Variants in DNMT3B observed in about 807,000 individuals in gnomAD.
DNMT3B encodes DNA methyltransferase 3 beta, also known as DNA (cytosine-5)-methyltransferase 3B.
In DNMT3B, 37 loss-of-function variants were observed where a neutral mutation model predicts 120.2. The ratio of observed to expected loss-of-function variants is 0.31; its 90% CI spans 0.24 to 0.40. The LOEUF is 0.40. Ranked by LOEUF, DNMT3B falls within the 10% of genes least tolerant of loss-of-function variation. The pLI is 1.00. For synonymous variants in DNMT3B, 412 were observed against 442.8 expected, an observed-to-expected ratio of 0.93 and a Z score of 0.87; for missense variants, 878 against 1,137.3, an observed-to-expected ratio of 0.77 and a Z score of 3.28.
intron 16 of DNMT3B, 99 bp from the exon 17 acceptor site, chr20:32,800,054 C>G (rs1457559114): frequency 6.5e-7 from 1 of 1,532,934 alleles, no homozygotes; most frequent in African/African-American, 1.4e-5. Context: ...GTGATACAGT[C>G]ATGAGGAACT....
intron 1 of DNMT3B, among the ~76,000 whole-genome samples, chr20:32,773,742 G>A (rs1987886621): frequency 6.6e-6 from 1 of 151,760 alleles, no homozygotes; most frequent in African/African-American, 2.4e-5. Context: ...CCTCCGAGGA[G>A]GTGGGACTAC....
Position 32,792,736 on chromosome 20 carries a change from G to A in DNMT3B, c.1032G>A (p.Gly344=). ...CCCACGGGGGCTTCAAGCCCACTGG[G>A]ATCGAGGGCCTCAAACCCAACAACA... ...EWAHGGFKPT[G]IEGLKPNNTQ... Residue 344 remains glycine (G), a synonymous_variant, in exon 9 of 23, where the codon GGG becomes GGA. Coordinates refer to ENST00000328111, the MANE Select transcript of DNMT3B (RefSeq NM_006892.4). 1 of 1,614,222 alleles carries A rather than the reference G, an allele frequency of 6.2e-7. No homozygotes were observed. Among genetic ancestry groups the A allele is most frequent in the Non-Finnish European group, 8.5e-7 (1 of 1,180,038 alleles).
intron 3 of DNMT3B, among the ~76,000 whole-genome samples, chr20:32,783,767 C>T (rs1173853366): frequency 3.9e-5 from 6 of 152,118 alleles, no homozygotes; most frequent in African/African-American, 1.4e-4. Flanking sequence ...AGTCTGTCGC[C>T]CAGGCTGGAG....
intron 5 of DNMT3B, 122 bp from the exon 6 acceptor site, chr20:32,787,108 T>C (rs919631454): frequency 1.2e-5 from 14 of 1,210,288 alleles, no homozygotes; most frequent in Non-Finnish European, 1.6e-5. Context: ...CAGCGGTCTC[T>C]GTTCTCTTTA....
intron 1 of DNMT3B, among the ~76,000 whole-genome samples, chr20:32,764,133 T>C (rs1181528379): frequency 6.6e-6 from 1 of 152,138 alleles, no homozygotes; most frequent in East Asian, 1.9e-4. Flanking sequence ...CAAGCTTCCT[T>C]CCTTAAGGAA....
intron 1 of DNMT3B, chr20:32,780,068 A>T: frequency 1.2e-6 from 2 of 1,606,362 alleles, no homozygotes; most frequent in Non-Finnish European, 1.7e-6. Context: ...TGGCCTCCCC[A>T]CTCTGTCCTG....
At chr20:32,779,950 G>A (rs959269541) in intron 1 of DNMT3B, 20 of 860,686 alleles carry the variant, frequency 2.3e-5, no homozygotes, top group Non-Finnish European at 3.7e-5. Flanking sequence ...CAGGGCCAGA[G>A]GGGACAGAGG....
chr20:32,800,487 T>C (rs377677996), intron 17 of DNMT3B, among the ~76,000 whole-genome samples, 189 bp downstream of exon 17: 1 of 152,242 alleles, frequency 6.6e-6, no homozygotes, highest in Admixed American at 6.5e-5. Context: ...TCTATTTTTT[T>C]CTGGAGACAG....
rs200773466 is a variant in DNMT3B, at chr20:32,780,307, T to G, written c.-6-11T>G. The G allele has an allele frequency of 6.2e-7, 1 of 1,613,870 alleles. No individual in the cohort carries two copies. Among genetic ancestry groups the G allele is most frequent in the Non-Finnish European group, 8.5e-7 (1 of 1,180,000 alleles). ...TCCCTTTCACCCCACCCATTCTGGCTTCTCCCACAGGAAAGCATGAAGGGA... is the reference window on the plus strand; with the variant it reads ...TCCCTTTCACCCCACCCATTCTGGCGTCTCCCACAGGAAAGCATGAAGGGA... On this transcript the variant is annotated splice_polypyrimidine_tract_variant and intron_variant, in intron 1 of 22. Coordinates refer to ENST00000328111, the MANE Select transcript of DNMT3B (RefSeq NM_006892.4).
chr20:32,763,303 C>G (rs1450586907), intron 1 of DNMT3B, among the ~76,000 whole-genome samples: 1 of 152,126 alleles, frequency 6.6e-6, no homozygotes, highest in South Asian at 2.1e-4. Context: ...CTGGGGTGTG[C>G]GCCGTGGAGG....
In DNMT3B at chr20:32,797,283, A is replaced by C; in HGVS notation, c.1474A>C (p.Asn492His). Reference sequence around the variant, plus strand: ...GGGCCGAGAGCTGCTGCTTTGCAGCAACACGAGCTGCTGCCGGTGAGCACT... The same window carrying C: ...GGGCCGAGAGCTGCTGCTTTGCAGCCACACGAGCTGCTGCCGGTGAGCACT... ...CEGRELLLCS[N>H]TSCCRCFCVE... Residue 492 changes from asparagine (N) to histidine (H), a missense_variant, in exon 14 of 23, where the codon AAC becomes CAC. Asn to His is a moderately conservative substitution (Grantham distance 68). This residue lies in a region of DNMT3B where 334 missense variants were observed against 518.8 expected (regional missense o/e 0.64). Coordinates refer to ENST00000328111, the MANE Select transcript of DNMT3B (RefSeq NM_006892.4). 2 of 1,614,148 alleles carry C rather than the reference A, an allele frequency of 1.2e-6. No homozygotes were observed. The highest frequency in any genetic ancestry group is 1.3e-5 in the African/African-American group (1 of 75,080).
intron 1 of DNMT3B, among the ~76,000 whole-genome samples, chr20:32,764,720 G>A (rs149076961): frequency 7.5e-4 from 115 of 152,340 alleles, no homozygotes; most frequent in Middle Eastern, 6.8e-3. Context: ...CCATTGGGGT[G>A]GAGAGTGCTG....
chr20:32,796,262 G>C (rs1156512474), intron 12 of DNMT3B, among the ~76,000 whole-genome samples: 1 of 152,152 alleles, frequency 6.6e-6, no homozygotes, highest in Non-Finnish European at 1.5e-5. Flanking sequence ...TCCCCCATCT[G>C]GCTAGGTAGG....
chr20:32,764,831 C>T (rs1987204865), intron 1 of DNMT3B, among the ~76,000 whole-genome samples: 2 of 152,142 alleles, frequency 1.3e-5, no homozygotes, highest in South Asian at 4.1e-4. Context: ...AAGACGGTAG[C>T]TGGGAGCTGC....
chr20:32,793,619 T>G (rs1980251655), intron 10 of DNMT3B, 24 bp downstream of exon 10: 9 of 1,612,732 alleles, frequency 5.6e-6, no homozygotes, highest in African/African-American at 1.3e-5. Flanking sequence ...GTCTTTTGAC[T>G]GTGCCCTGTT....
At chr20:32,773,033 G>A (rs2145868680) in intron 1 of DNMT3B, among the ~76,000 whole-genome samples, 1 of 152,004 alleles carries the variant, frequency 6.6e-6, no homozygotes, top group African/African-American at 2.4e-5. Flanking sequence ...TGGTCAGGCT[G>A]GTCTTGAACT....
intron 2 of DNMT3B, among the ~76,000 whole-genome samples, chr20:32,780,812 G>A (rs1338472828): frequency 6.6e-6 from 1 of 152,176 alleles, no homozygotes; most frequent in African/African-American, 2.4e-5. Context: ...GGGGTTGGGA[G>A]GGGGAGGTCT....
chr20:32,784,907 A>G (rs1472516826), intron 4 of DNMT3B, 48 bp downstream of exon 4: 4 of 1,546,548 alleles, frequency 2.6e-6, no homozygotes, highest in Admixed American at 3.4e-5. Context: ...AACACTCTAC[A>G]TAGCATACAT....
chr20:32,800,993 A>ACTG, intron 18 of DNMT3B, 68 bp downstream of exon 18: 1 of 1,581,718 alleles, frequency 6.3e-7, no homozygotes, highest in Non-Finnish European at 8.7e-7. Context: ...CAGGTGCAGC[A>ACTG]GCCTGAGAAG....
Sources: gnomAD v4.1 joint callset for allele counts (sites outside exome capture counted in the v4.1 genomes callset) on GRCh38, gnomAD v4.1.1 for gene constraint, gnomAD v4.1.1 regional missense constraint, MANE v1.5 for transcripts, NCBI Gene and HGNC (gene_info 2026-07-23, HGNC 2026-07-21) for gene names.